The following OR9Q1 variants were observed in gnomAD, a reference collection of about 807,000 sequenced individuals.
The protein encoded by OR9Q1 is olfactory receptor 9Q1.
For missense variants in OR9Q1, 374 were observed against 378.8 expected, an observed-to-expected ratio of 0.99 and a Z score of 0.11; for synonymous variants, 153 against 148.6, an observed-to-expected ratio of 1.03 and a Z score of -0.22.
At chr11:58,158,412 C>T (rs1031719198) in intron 2 of OR9Q1, among the ~76,000 whole-genome samples, 1 of 136,884 alleles carries the variant, frequency 7.3e-6, no homozygotes, top group Non-Finnish European at 1.5e-5. Flanking sequence ...ACATAGCCGC[C>T]TAGGTCTGCT....
Position 58,096,295 on chromosome 11 carries a change from A to G in OR9Q1, c.-15+40348A>G, listed in dbSNP as rs1277161906. ...GAATGAATTTAAAAAATATGTATGC[A>G]TGCATATCACCACCACACAGATCAA... On this transcript the variant is annotated intron_variant, in intron 2 of 2. Transcript: ENST00000335397. Among the ~76,000 whole-genome samples the G allele has an allele frequency of 2.6e-5, 4 of 152,268 alleles. No homozygotes were observed. The East Asian group carries it at 7.7e-4, about 29-fold the overall frequency.
chr11:58,122,730 C>G (rs1288495150), intron 2 of OR9Q1, among the ~76,000 whole-genome samples: 1 of 151,792 alleles, frequency 6.6e-6, no homozygotes, highest in Non-Finnish European at 1.5e-5. Context: ...TTTGTTAGTC[C>G]TGCCTCATTC....
intron 1 of OR9Q1, among the ~76,000 whole-genome samples, chr11:58,043,428 G>A (rs1434158387): frequency 6.6e-6 from 1 of 152,140 alleles, no homozygotes; most frequent in East Asian, 1.9e-4. Flanking sequence ...GACACACACT[G>A]AAATACACAT....
intron 2 of OR9Q1, among the ~76,000 whole-genome samples, chr11:58,094,180 C>T (rs991065539): frequency 1.3e-5 from 2 of 152,106 alleles, no homozygotes; most frequent in African/African-American, 4.8e-5. Context: ...TTAAACTAAG[C>T]AAGTCAGTCA....
At chr11:58,168,694 A>C (rs1331216788) in intron 2 of OR9Q1, among the ~76,000 whole-genome samples, 2 of 152,130 alleles carry the variant, frequency 1.3e-5, no homozygotes. Flanking sequence ...TCCAATAAAA[A>C]ATTTGTCTTA....
intron 2 of OR9Q1, among the ~76,000 whole-genome samples, chr11:58,162,371 C>G (rs1360783123): frequency 6.6e-6 from 1 of 152,210 alleles, no homozygotes; most frequent in East Asian, 1.9e-4. Flanking sequence ...CTCAGGCTTT[C>G]TAACTTGCAA....
At chr11:58,101,600 G>A (rs1196470127) in intron 2 of OR9Q1, among the ~76,000 whole-genome samples, 1 of 152,110 alleles carries the variant, frequency 6.6e-6, no homozygotes, top group African/African-American at 2.4e-5. Flanking sequence ...TTACTCTGAT[G>A]ATTATTTCTT....
At chr11:58,142,616 A>G (rs1035575515) in intron 2 of OR9Q1, among the ~76,000 whole-genome samples, 8 of 152,174 alleles carry the variant, frequency 5.3e-5, no homozygotes, top group East Asian at 3.9e-4. Context: ...AAGTCCTATG[A>G]GATCTTTTTC....
intron 2 of OR9Q1, among the ~76,000 whole-genome samples, chr11:58,141,560 G>A: frequency 6.6e-6 from 1 of 152,158 alleles, no homozygotes. Context: ...TGCATCCCAG[G>A]GATGAGGCCC....
chr11:58,083,701 T>C (rs1436102395), intron 2 of OR9Q1, among the ~76,000 whole-genome samples: 1 of 151,462 alleles, frequency 6.6e-6, no homozygotes, highest in African/African-American at 2.5e-5. Flanking sequence ...CCCAGCACCA[T>C]TTATCGAACA....
chr11:58,135,378 C>G (rs1854180085), intron 2 of OR9Q1, among the ~76,000 whole-genome samples: 1 of 152,158 alleles, frequency 6.6e-6, no homozygotes, highest in Non-Finnish European at 1.5e-5. Flanking sequence ...TGAACACAGA[C>G]AGCATGTGGG....
At chr11:58,044,352 G>A (rs993083753) in intron 1 of OR9Q1, 2 of 152,196 alleles carry the variant, frequency 1.3e-5, no homozygotes, top group African/African-American at 2.4e-5. Context: ...GGTCAGGGAA[G>A]GCTTTTGTAG....
intron 2 of OR9Q1, among the ~76,000 whole-genome samples, chr11:58,103,921 A>G (rs1400773093): frequency 1.3e-5 from 2 of 152,138 alleles, no homozygotes; most frequent in East Asian, 3.9e-4. Context: ...GTAGTAGCAG[A>G]GGTGTGGCTT....
chr11:58,081,284 G>C (rs1368538193), intron 2 of OR9Q1, among the ~76,000 whole-genome samples: 1 of 152,162 alleles, frequency 6.6e-6, no homozygotes, highest in African/African-American at 2.4e-5. Flanking sequence ...ACATACATGT[G>C]CATGTGTCTT....
At chr11:58,135,749 CTT>C (rs1227773837) in intron 2 of OR9Q1, among the ~76,000 whole-genome samples, 1 of 152,168 alleles carries the variant, frequency 6.6e-6, no homozygotes, top group African/African-American at 2.4e-5. Context: ...TTTTAAATAA[CTT>C]TAAACCTGAC....
At chr11:58,078,582 T>C (rs555759529) in intron 2 of OR9Q1, 7 of 152,212 alleles carry the variant, frequency 4.6e-5, no homozygotes, top group Non-Finnish European at 8.8e-5. Flanking sequence ...AACCCATTCA[T>C]AGAGATGAGA....
At chr11:58,146,642 G>T (rs1014342617) in intron 2 of OR9Q1, among the ~76,000 whole-genome samples, 9 of 152,132 alleles carry the variant, frequency 5.9e-5, no homozygotes, top group Non-Finnish European at 1.2e-4. Context: ...AGCAGCACAG[G>T]GTGTTATTAT....
At chr11:58,043,935 C>T (rs920377574) in intron 1 of OR9Q1, among the ~76,000 whole-genome samples, 1 of 152,106 alleles carries the variant, frequency 6.6e-6, no homozygotes, top group South Asian at 2.1e-4. Context: ...GTTGTTGGTA[C>T]CCTTGCACCC....
intron 2 of OR9Q1, among the ~76,000 whole-genome samples, chr11:58,164,457 T>G (rs1270942855): frequency 6.6e-6 from 1 of 151,876 alleles, no homozygotes; most frequent in African/African-American, 2.4e-5. Flanking sequence ...AAGATTACAA[T>G]CAGTGAAAGA....
Sources: gnomAD v4.1 joint callset for allele counts (sites outside exome capture counted in the v4.1 genomes callset) on GRCh38, gnomAD v4.1.1 for gene constraint, MANE v1.5 for transcripts, NCBI Gene and HGNC (gene_info 2026-07-23, HGNC 2026-07-21) for gene names.